DNAH9: variants seen among roughly 807,000 people sequenced by gnomAD.
DNAH9 encodes DNAH9 variant protein.
Under a neutral mutation model 471.6 loss-of-function variants are expected in DNAH9, and 345 were observed. That is an observed-to-expected ratio of 0.73 (90% confidence interval 0.67 to 0.80). The LOEUF (loss-of-function observed/expected upper bound fraction) is 0.80. Among genes scored for constraint, DNAH9 ranks in the 30% least tolerant of loss-of-function variants. The pLI is 0.00. For synonymous variants in DNAH9, 2,093 were observed against 2,123.6 expected, an observed-to-expected ratio of 0.99 and a Z score of 0.40; for missense variants, 5,407 against 5,609.2, an observed-to-expected ratio of 0.96 and a Z score of 1.15.
At chr17:11,774,794 G>A (rs936917742) in intron 38 of DNAH9, among the ~76,000 whole-genome samples, 2 of 151,966 alleles carry the variant, frequency 1.3e-5, no homozygotes, top group Admixed American at 6.5e-5. Context: ...ATAAATCACA[G>A]CTCATCCTTT....
intron 61 of DNAH9, among the ~76,000 whole-genome samples, chr17:11,917,580 C>T (rs1973998654): frequency 6.6e-6 from 1 of 152,090 alleles, no homozygotes. Context: ...CATCTTTTTC[C>T]CTAAAGGAGC....
chr17:11,726,120 T>A (rs903020495), intron 27 of DNAH9, among the ~76,000 whole-genome samples: 4 of 152,126 alleles, frequency 2.6e-5, no homozygotes, highest in Admixed American at 1.3e-4. Flanking sequence ...ATCTTCCTCC[T>A]CCTGGAAAGC....
rs2075014987 is a variant in DNAH9, at chr17:11,719,313, A to G, written c.5553-21A>G. 2.5e-6 allele frequency: 4 copies of G among 1,612,184 alleles called. No individual in the cohort carries two copies. The South Asian group carries it at 4.4e-5, about 18-fold the overall frequency. ...ACTGGGCCCCCAAGAATGATGACCT[A>G]TGCCCTCCCGTGTTTGGCAGGTGCT... On this transcript the variant is annotated intron_variant, in intron 26 of 68. Transcript: ENST00000262442.
At chr17:11,883,465 T>A (rs758839415) in intron 55 of DNAH9, 121 bp from the exon 56 acceptor site, 27 of 1,295,114 alleles carry the variant, frequency 2.1e-5, no homozygotes, top group Non-Finnish European at 2.8e-5. Flanking sequence ...TGAAGCTCTT[T>A]GCCATTCTGC....
chr17:11,849,894 G>A (rs1342663887), intron 49 of DNAH9, among the ~76,000 whole-genome samples: 1 of 152,160 alleles, frequency 6.6e-6, no homozygotes, highest in Non-Finnish European at 1.5e-5. Context: ...AATGATGACT[G>A]CACACATATT....
At chr17:11,748,400 TAG>T (rs1966989123) in intron 32 of DNAH9, among the ~76,000 whole-genome samples, 1 of 152,080 alleles carries the variant, frequency 6.6e-6, no homozygotes, top group South Asian at 2.1e-4. Context: ...AGCCGTGGTG[TAG>T]AGTGTTAATG....
intron 17 of DNAH9, among the ~76,000 whole-genome samples, chr17:11,672,491 G>A (rs2073987610): frequency 6.6e-6 from 1 of 152,154 alleles, no homozygotes; most frequent in Non-Finnish European, 1.5e-5. Context: ...GCTGCTTCCA[G>A]ACCATTTCAC....
intron 15 of DNAH9, among the ~76,000 whole-genome samples, chr17:11,666,378 C>T (rs1487565099): frequency 6.6e-6 from 1 of 152,090 alleles, no homozygotes; most frequent in Non-Finnish European, 1.5e-5. Flanking sequence ...ATCCGATGTG[C>T]CATGTGTCCA....
intron 35 of DNAH9, among the ~76,000 whole-genome samples, chr17:11,762,760 T>TG (rs1230167688): frequency 0.018 from 1,913 of 104,048 alleles, 63 homozygotes; most frequent in African/African-American, 0.06. Flanking sequence ...TTAGGTGCGT[T>TG]TTTTTTTTTG....
Position 11,680,730 on chromosome 17 carries a change from C to T in DNAH9, c.3584C>T (p.Pro1195Leu). Residue 1195 changes from proline to leucine, a missense_variant, in exon 19 of 69, where the codon CCT becomes CTT. By Grantham distance (98) the Pro-to-Leu change is moderately conservative (BLOSUM62 -3). Coordinates refer to ENST00000262442, the MANE Select transcript of DNAH9 (RefSeq NM_001372.4). ...ETVFKQLEELPEKWNNIKKVA... is the reference protein window; with the variant it reads ...ETVFKQLEELLEKWNNIKKVA... Reference sequence around the variant, plus strand: ...CTGAGGTTTCCTTTGCAGGAGCTGCCTGAGAAATGGAACAACATAAAAAAG... The same window carrying T: ...CTGAGGTTTCCTTTGCAGGAGCTGCTTGAGAAATGGAACAACATAAAAAAG... The T allele has an allele frequency of 6.2e-7, 1 of 1,613,930 alleles. No individual in the cohort carries two copies. Among genetic ancestry groups the T allele is most frequent in the Non-Finnish European group, 8.5e-7 (1 of 1,179,940 alleles).
chr17:11,688,542 T>C (rs2074278280), intron 19 of DNAH9, among the ~76,000 whole-genome samples: 1 of 152,218 alleles, frequency 6.6e-6, no homozygotes, highest in African/African-American at 2.4e-5. Flanking sequence ...TGCTGTTGCC[T>C]GAAGCTGATG....
intron 45 of DNAH9, 57 bp downstream of exon 45, chr17:11,810,426 T>C (rs927552286): frequency 3.8e-6 from 6 of 1,572,940 alleles, no homozygotes; most frequent in East Asian, 2.3e-5. Context: ...ATCAGAGTTA[T>C]ACAAAGGTGA....
chr17:11,606,708 G>A (rs143822506), intron 1 of DNAH9, among the ~76,000 whole-genome samples: 2 of 151,934 alleles, frequency 1.3e-5, no homozygotes, highest in African/African-American at 4.8e-5. Context: ...TCGGTATACT[G>A]ACAAGTTTCT....
Position 11,694,420 on chromosome 17 carries a change from C to G in DNAH9, c.4845C>G (p.Ile1615Met). Residue 1615 changes from isoleucine to methionine, a missense_variant, in exon 22 of 69, where the codon ATC becomes ATG. This residue lies in a region of DNAH9 where 4,636 missense variants were observed against 4,900.3 expected (regional missense o/e 0.95). Coordinates refer to ENST00000262442, the MANE Select transcript of DNAH9 (RefSeq NM_001372.4). ...TCTCCTCCTCCGATCTGTTAGACAT[C>G]CTTTCCAACGGCACAGCTCCACAAC... Reference protein sequence around the residue: ...YFLSSSDLLDILSNGTAPQQV... With the variant: ...YFLSSSDLLDMLSNGTAPQQV... The G allele has an allele frequency of 6.2e-7, 1 of 1,613,268 alleles. No individual in the cohort carries two copies. The highest frequency in any genetic ancestry group is 8.5e-7 in the Non-Finnish European group (1 of 1,179,844).
At chr17:11,718,404 G>A (rs2075002233) in intron 26 of DNAH9, among the ~76,000 whole-genome samples, 1 of 152,238 alleles carries the variant, frequency 6.6e-6, no homozygotes, top group South Asian at 2.1e-4. Flanking sequence ...GCTACGAACA[G>A]GTAGATATTG....
Position 11,932,028 on chromosome 17 carries a change from G to A in DNAH9, c.12120G>A (p.Met4040Ile). 6.2e-7 allele frequency: 1 copy of A among 1,614,152 alleles called. No homozygotes were observed. The highest frequency in any genetic ancestry group is 8.5e-7 in the Non-Finnish European group (1 of 1,180,026). Residue 4040 changes from methionine to isoleucine, a missense_variant, in exon 64 of 69, where the codon ATG becomes ATA. By Grantham distance (10) the Met-to-Ile change is conservative. This residue lies in a region of DNAH9 where 4,636 missense variants were observed against 4,900.3 expected (regional missense o/e 0.95). Coordinates refer to ENST00000262442, the MANE Select transcript of DNAH9 (RefSeq NM_001372.4). The surrounding 1 kb of genome is among the most constrained non-coding windows in gnomAD (Gnocchi z 4.3). ...TCTCATTTCAGGACACTCTGGAGAT[G>A]TGTTCTCGGGAGACGGAGTTTAAGA... ...LDNFTQDTLEMCSRETEFKSI... is the reference protein window; with the variant it reads ...LDNFTQDTLEICSRETEFKSI...
intron 59 of DNAH9, among the ~76,000 whole-genome samples, chr17:11,901,132 G>T (rs1256951005): frequency 6.6e-6 from 1 of 152,194 alleles, no homozygotes; most frequent in East Asian, 1.9e-4. Context: ...TGCTTAGGGG[G>T]TGGGGCCAGG....
At chr17:11,875,741 T>C (rs905460780) in intron 53 of DNAH9, 2 of 153,012 alleles carry the variant, frequency 1.3e-5, no homozygotes, top group African/African-American at 4.8e-5. Flanking sequence ...AGTTACCACG[T>C]GAAGGGACTT....
intron 6 of DNAH9, among the ~76,000 whole-genome samples, chr17:11,621,161 G>A (rs187010370): frequency 6.6e-6 from 1 of 152,162 alleles, no homozygotes; most frequent in East Asian, 1.9e-4. Flanking sequence ...TGTAATCCCA[G>A]CCCTTTGGGA....
Sources: allele counts gnomAD v4.1 joint callset (sites outside exome capture counted in the v4.1 genomes callset), GRCh38; gene constraint gnomAD v4.1.1; regional missense constraint gnomAD v4.1.1; non-coding constraint Gnocchi (gnomAD v3.1); transcripts MANE v1.5; gene names NCBI Gene and HGNC (gene_info 2026-07-23, HGNC 2026-07-21).